Variants in MICU1 observed in about 807,000 individuals in gnomAD.
MICU1 encodes the protein mitochondrial calcium uptake 1, also known as calcium uptake protein 1, mitochondrial.
A neutral mutation model predicts 56.8 loss-of-function variants in MICU1; 45 were observed. The ratio of observed to expected loss-of-function variants is 0.79; its 90% confidence interval spans 0.62 to 1.02. The LOEUF is 1.02. MICU1 is among the 50% of genes least tolerant of loss of function. The pLI is 0.00. For missense variants in MICU1, 504 were observed against 587.1 expected, an observed-to-expected ratio of 0.86 and a Z score of 1.46; for synonymous variants, 186 against 195.1, an observed-to-expected ratio of 0.95 and a Z score of 0.39.
Position 72,573,307 on chromosome 10 carries a change from C to CAAA in MICU1, c.-1-6516_-1-6514dup, listed in dbSNP as rs58866778. On this transcript the variant is annotated intron_variant, in intron 1 of 11. Coordinates refer to ENST00000361114, the MANE Select transcript of MICU1 (RefSeq NM_001195518.2). ...AAACATAATGAGACCCCCATCACTA[C>CAAA]AAAAAAAAAAAAAAAAAAAAAAAAA... is the stretch of plus-strand genomic sequence containing the variant. Among the ~76,000 whole-genome samples the CAAA allele has an allele frequency of 2.7e-3, 57 of 21,034 alleles. 8 individuals are homozygous for CAAA. Among genetic ancestry groups the CAAA allele is most frequent in the East Asian group, 0.017 (13 of 746 alleles). 13.8% of individuals were successfully genotyped at this position (21,034 alleles called of 152,430 possible).
intron 1 of MICU1, among the ~76,000 whole-genome samples, chr10:72,584,517 C>T (rs939250432): frequency 1.3e-5 from 2 of 151,662 alleles, no homozygotes; most frequent in African/African-American, 4.9e-5. Flanking sequence ...TTTCAAGTCT[C>T]GGAAATTAAG....
chr10:72,584,721 T>C (rs1840998195), intron 1 of MICU1, among the ~76,000 whole-genome samples: 2 of 152,098 alleles, frequency 1.3e-5, no homozygotes, highest in Non-Finnish European at 2.9e-5. Context: ...TGGCCATTTT[T>C]TGAAGCGCTG....
At chr10:72,572,487 A>G (rs1169163790) in intron 1 of MICU1, among the ~76,000 whole-genome samples, 1 of 152,108 alleles carries the variant, frequency 6.6e-6, no homozygotes, top group Admixed American at 6.6e-5. Context: ...CTGTTTAATA[A>G]CTGTTCTCAG....
chr10:72,501,240 G>C (rs182424094), intron 6 of MICU1, among the ~76,000 whole-genome samples: 2 of 152,142 alleles, frequency 1.3e-5, no homozygotes, highest in African/African-American at 4.8e-5. Context: ...GTATGAGTTA[G>C]GAGTAAAGAG....
chr10:72,383,109 G>A (rs1862771493), intron 10 of MICU1, among the ~76,000 whole-genome samples: 2 of 152,160 alleles, frequency 1.3e-5, no homozygotes, highest in East Asian at 1.9e-4. Flanking sequence ...AGTTGGGCAC[G>A]ATGGTGCGCT....
chr10:72,403,825 T>C (rs1047275152), intron 10 of MICU1, among the ~76,000 whole-genome samples: 44 of 151,698 alleles, frequency 2.9e-4, no homozygotes, highest in Non-Finnish European at 4.7e-4. Flanking sequence ...CCAGCTAATT[T>C]TTTGTATTTT....
At chr10:72,512,082 T>C (rs549861746) in intron 5 of MICU1, among the ~76,000 whole-genome samples, 7 of 149,372 alleles carry the variant, frequency 4.7e-5, no homozygotes, top group Non-Finnish European at 1.0e-4. Context: ...CTTATCAATC[T>C]GGCATCCATA....
chr10:72,434,530 T>C (rs978332627), intron 8 of MICU1, among the ~76,000 whole-genome samples: 14 of 152,102 alleles, frequency 9.2e-5, no homozygotes, highest in Admixed American at 7.9e-4. Context: ...AAAACCCTAG[T>C]CTTGTGTTAC....
At chr10:72,560,866 T>C (rs1177975304) in intron 3 of MICU1, among the ~76,000 whole-genome samples, 4 of 152,114 alleles carry the variant, frequency 2.6e-5, no homozygotes, top group Admixed American at 6.5e-5. Flanking sequence ...CGAGACTCCA[T>C]CTCAAAACAA....
At chr10:72,378,410 T>C (rs1386121201) in intron 10 of MICU1, among the ~76,000 whole-genome samples, 1 of 152,124 alleles carries the variant, frequency 6.6e-6, no homozygotes, top group Non-Finnish European at 1.5e-5. Context: ...TGAGATCTGG[T>C]TAAGTGTGTG....
chr10:72,516,478 C>T (rs180858173), intron 5 of MICU1, among the ~76,000 whole-genome samples: 1 of 152,258 alleles, frequency 6.6e-6, no homozygotes, highest in African/African-American at 2.4e-5. Context: ...GCTGCCATTG[C>T]TTCTGGTGTT....
chr10:72,376,417 G>C (rs1327881978), intron 10 of MICU1, among the ~76,000 whole-genome samples: 2 of 152,050 alleles, frequency 1.3e-5, no homozygotes, highest in African/African-American at 4.8e-5. Flanking sequence ...CAGGCGCGGT[G>C]GCTCATACCT....
intron 5 of MICU1, among the ~76,000 whole-genome samples, chr10:72,532,369 C>CA (rs1839511310): frequency 1.3e-5 from 2 of 152,068 alleles, no homozygotes; most frequent in African/African-American, 4.8e-5. Context: ...TTATTACTGA[C>CA]TTAATGAGTC....
At chr10:72,452,892 G>T (rs551339760) in intron 8 of MICU1, among the ~76,000 whole-genome samples, 1 of 151,484 alleles carries the variant, frequency 6.6e-6, no homozygotes, top group African/African-American at 2.4e-5. Context: ...TCTGACAGAC[G>T]GACCTAGTGA....
At chr10:72,482,924 T>G (rs534903836) in intron 6 of MICU1, among the ~76,000 whole-genome samples, 1 of 151,922 alleles carries the variant, frequency 6.6e-6, no homozygotes, top group East Asian at 1.9e-4. Context: ...GGCGTGATTT[T>G]GGCTCACTGC....
At chr10:72,513,752 T>C (rs1038252654) in intron 5 of MICU1, among the ~76,000 whole-genome samples, 1 of 152,156 alleles carries the variant, frequency 6.6e-6, no homozygotes, top group African/African-American at 2.4e-5. Flanking sequence ...TTCACCTTCA[T>C]TCTTTTGTAC....
intron 10 of MICU1, among the ~76,000 whole-genome samples, chr10:72,403,269 A>C (rs1863516857): frequency 2.0e-5 from 3 of 151,966 alleles, no homozygotes; most frequent in Admixed American, 2.0e-4. Flanking sequence ...TGAGGCAGAG[A>C]ACTGCTTGAA....
chr10:72,482,855 ATTTAT>A (rs1287129304), intron 6 of MICU1, among the ~76,000 whole-genome samples: 6 of 146,534 alleles, frequency 4.1e-5, no homozygotes, highest in East Asian at 3.9e-4. Context: ...ATATATATTT[ATTTAT>A]TTTATTTTAT....
At chr10:72,453,827 G>A (rs535605857) in intron 8 of MICU1, among the ~76,000 whole-genome samples, 3 of 150,024 alleles carry the variant, frequency 2.0e-5, no homozygotes, top group Non-Finnish European at 4.4e-5. Context: ...CACCGCGCCT[G>A]GCCTACTTTA....
Sources: allele counts gnomAD v4.1 joint callset (sites outside exome capture counted in the v4.1 genomes callset), GRCh38; gene constraint gnomAD v4.1.1; transcripts MANE v1.5; gene names NCBI Gene and HGNC (gene_info 2026-07-23, HGNC 2026-07-21).